CALD1: variants seen among roughly 807,000 people sequenced by gnomAD.
The protein encoded by CALD1 is caldesmon.
CALD1 carries 33 observed loss-of-function variants against 99.9 expected under a neutral mutation model. The observed-to-expected ratio is 0.33, with a 90% confidence interval of 0.25 to 0.44. The LOEUF (loss-of-function observed/expected upper bound fraction) is 0.44, where lower values mean the gene tolerates loss of function less well. CALD1 is among the 20% of genes least tolerant of loss of function. The pLI is 1.00. For missense variants in CALD1, 861 were observed against 962.1 expected (o/e 0.89, Z 1.39); for synonymous variants, 310 against 325.0 (o/e 0.95, Z 0.50).
At chr7:134,797,271 C>A (rs1797781301) in intron 1 of CALD1, among the ~76,000 whole-genome samples, 1 of 152,214 alleles carries the variant, frequency 6.6e-6, no homozygotes, top group African/African-American at 2.4e-5. Flanking sequence ...AGGCCTGAGC[C>A]ACTGCACCCG....
chr7:134,966,536 G>C (rs1305008684), intron 14 of CALD1, among the ~76,000 whole-genome samples: 1 of 152,184 alleles, frequency 6.6e-6, no homozygotes, highest in Non-Finnish European at 1.5e-5. Context: ...TGTGAGGTAA[G>C]TAGTTTATCA....
chr7:134,825,688 T>C (rs910715737), intron 1 of CALD1, among the ~76,000 whole-genome samples: 1 of 152,178 alleles, frequency 6.6e-6, no homozygotes, highest in African/African-American at 2.4e-5. Flanking sequence ...TTACATCACA[T>C]AATAACCCAA....
At chr7:134,722,144 C>T in the CALD1 span, among the ~76,000 whole-genome samples, 7 of 152,246 alleles carry the variant, frequency 4.6e-5, no homozygotes, top group Non-Finnish European at 8.8e-5. Context: ...GACACCTTGC[C>T]GGTTATTCAC....
intron 1 of CALD1, among the ~76,000 whole-genome samples, chr7:134,754,146 G>A (rs1027274473): frequency 2.0e-5 from 3 of 152,190 alleles, no homozygotes; most frequent in Admixed American, 6.5e-5. Context: ...AATCCTGGGT[G>A]AGGAAGTCAC....
At chr7:134,744,449 T>A (rs1470125354) in intron 1 of CALD1, 3 of 113,744 alleles carry the variant, frequency 2.6e-5, no homozygotes, top group African/African-American at 5.3e-5. Context: ...TATCAGGAAG[T>A]CGTGTGTGTG....
rs1375326176 is a variant in CALD1, at chr7:134,880,488, A to C, written c.71+12684A>C. Among the ~76,000 whole-genome samples, 3 of 152,214 alleles carry C rather than the reference A, an allele frequency of 2.0e-5. No homozygotes were observed. In the East Asian group the frequency reaches 5.8e-4, roughly 29 times the overall value. ...TTATCAGGCTGATTCAAAGACAAGA[A>C]GCATCATCAGGTCTAATCACACTGC... On this transcript the variant is annotated intron_variant, in intron 3 of 14. Coordinates refer to ENST00000361675, the MANE Select transcript of CALD1 (RefSeq NM_033138.4).
chr7:134,830,327 A>G (rs1003765569), intron 1 of CALD1, among the ~76,000 whole-genome samples: 3 of 152,204 alleles, frequency 2.0e-5, no homozygotes. Flanking sequence ...GTTGATTTTA[A>G]TAATTTAATT....
At chr7:134,855,349 T>C (rs567985808) in intron 2 of CALD1, among the ~76,000 whole-genome samples, 3 of 152,224 alleles carry the variant, frequency 2.0e-5, no homozygotes, top group Non-Finnish European at 4.4e-5. Flanking sequence ...TTGCTCCATT[T>C]TTCTTTGGCT....
At chr7:134,730,914 A>G in the CALD1 span, among the ~76,000 whole-genome samples, 1 of 151,902 alleles carries the variant, frequency 6.6e-6, no homozygotes, top group Non-Finnish European at 1.5e-5. Flanking sequence ...CTCCCACCCC[A>G]CCTATCCTAC....
intron 3 of CALD1, among the ~76,000 whole-genome samples, chr7:134,914,086 T>G (rs542261558): frequency 6.6e-6 from 1 of 152,308 alleles, no homozygotes; most frequent in African/African-American, 2.4e-5. Flanking sequence ...TTCCTTCTAG[T>G]TTCATTAATC....
chr7:134,716,587 A>G, the CALD1 span, among the ~76,000 whole-genome samples: 2 of 152,238 alleles, frequency 1.3e-5, no homozygotes, highest in East Asian at 1.9e-4. Context: ...AAGCAAAAAT[A>G]TAAATGGACA....
intron 13 of CALD1, chr7:134,960,877 T>C (rs557325837): frequency 1.9e-5 from 6 of 309,272 alleles, no homozygotes; most frequent in Non-Finnish European, 3.0e-5. Flanking sequence ...TCAGCTAGAA[T>C]ACTGAGGCAG....
chr7:134,872,590 A>AATCAGTG (rs574166762), intron 3 of CALD1, among the ~76,000 whole-genome samples: 12 of 152,114 alleles, frequency 7.9e-5, no homozygotes, highest in Non-Finnish European at 1.8e-4. Context: ...GAACCATAGG[A>AATCAGTG]ATCAGTGGTC....
chr7:134,941,689 G>A (rs528901643), intron 7 of CALD1, among the ~76,000 whole-genome samples: 1 of 152,254 alleles, frequency 6.6e-6, no homozygotes, highest in South Asian at 2.1e-4. Context: ...AGATTGTTTT[G>A]TGGCGAAATA....
rs1258188445 is a variant in CALD1, at chr7:134,960,036, T to A, written c.2124T>A (p.Gly708=). The A allele has an allele frequency of 6.2e-7, 1 of 1,613,980 alleles. No homozygotes were observed. The highest frequency in any genetic ancestry group is 1.3e-5 in the African/African-American group (1 of 74,902). The part of the protein sequence containing the change: ...AASDLPVPAE[G]VRNIKSMWEK... ...CGGATCTTCCTGTTCCTGCTGAAGGTGTACGCAACATCAAGAGTATGTGGG... is the reference window on the plus strand; with the variant it reads ...CGGATCTTCCTGTTCCTGCTGAAGGAGTACGCAACATCAAGAGTATGTGGG... The change falls in exon 12 of 15, where the codon GGT becomes GGA. Residue 708 remains glycine, a synonymous_variant. Coordinates refer to ENST00000361675, the MANE Select transcript of CALD1 (RefSeq NM_033138.4).
the CALD1 span, among the ~76,000 whole-genome samples, chr7:134,719,474 A>G: frequency 6.6e-6 from 1 of 152,170 alleles, no homozygotes; most frequent in Non-Finnish European, 1.5e-5. Flanking sequence ...AGAGCCAAAC[A>G]GCCAATCTAA....
Position 134,755,612 on chromosome 7 carries a change from TC to T in CALD1, c.-130+11255del, listed in dbSNP as rs1426907672. Among the ~76,000 whole-genome samples, 9 of 152,222 alleles carry T rather than the reference TC, an allele frequency of 5.9e-5. No individual in the cohort carries two copies. The South Asian group carries it at 1.7e-3, about 28-fold the overall frequency. ...TCACATTGTAGTCTACTTGAATGGCTCCCCCCGGTGGTGTACAGTACACAGC... is the reference window on the plus strand; with the variant it reads ...TCACATTGTAGTCTACTTGAATGGCTCCCCCGGTGGTGTACAGTACACAGC... On this transcript the variant is annotated intron_variant, in intron 1 of 13. Coordinates refer to the CALD1 transcript ENST00000417172.
At chr7:134,829,142 T>G (rs184191093) in intron 1 of CALD1, among the ~76,000 whole-genome samples, 6 of 152,322 alleles carry the variant, frequency 3.9e-5, no homozygotes, top group Admixed American at 1.3e-4. Context: ...AATAAATACA[T>G]CCTCATGGAG....
At chr7:134,968,074 G>GGGCC (rs1214838949) in intron 14 of CALD1, among the ~76,000 whole-genome samples, 2 of 152,100 alleles carry the variant, frequency 1.3e-5, no homozygotes, top group African/African-American at 2.4e-5. Context: ...TTGAATCTGG[G>GGGCC]AGGCAGAGGT....
Sources: allele counts gnomAD v4.1 joint callset (sites outside exome capture counted in the v4.1 genomes callset), GRCh38; gene constraint gnomAD v4.1.1; transcripts MANE v1.5; gene names NCBI Gene and HGNC (gene_info 2026-07-23, HGNC 2026-07-21).